The following ARRB2 variants were observed in gnomAD, a reference collection of about 807,000 sequenced individuals.
ARRB2 encodes the protein beta-arrestin-2.
In ARRB2, 21 loss-of-function variants were observed where a neutral mutation model predicts 53.4. That is an observed-to-expected ratio of 0.39 (90% CI 0.28 to 0.57). The LOEUF (loss-of-function observed/expected upper bound fraction) is 0.57. ARRB2 is among the 20% of genes least tolerant of loss of function. The pLI is 0.55. For synonymous variants in ARRB2, 180 were observed against 212.9 expected (o/e 0.85, Z 1.34); for missense variants, 369 against 527.5 (o/e 0.70, Z 2.94).
At position 4,719,367 on chromosome 17, in the gene ARRB2, C is replaced by T. The variant is rs34750256; in HGVS notation, c.864C>T (p.Leu288=). The change falls in exon 11 of 15, where the codon CTC becomes CTT. Residue 288 remains leucine, a synonymous_variant. Transcript: ENST00000269260. ...GCGACAACCGGGAGAAGCGGGGTCT[C>T]GCCCTGGATGGGAAACTCAAGCACG... is the stretch of plus-strand genomic sequence containing the variant. ...LLSDNREKRG[L]ALDGKLKHED... is the part of the protein sequence containing the mutation. 7.7e-4 allele frequency: 1,245 copies of T among 1,614,188 alleles called. 5 individuals carry two copies. In the African/African-American group the frequency reaches 0.01, roughly 14 times the overall value.
rs747472910 is a variant in ARRB2 at position 4,720,487 on chromosome 17, C to G, written c.1081+15C>G. ...ACCCCAGTCAGGTGAGCACACTACC[C>G]ACCCCAAGCCCTCAGAGGGAGGGCC... On this transcript the variant is annotated intron_variant, in intron 13 of 14. Coordinates refer to ENST00000269260, the MANE Select transcript of ARRB2 (RefSeq NM_004313.4). The G allele has an allele frequency of 3.7e-6, 6 of 1,605,532 alleles. No homozygotes were observed. The South Asian group carries it at 5.5e-5, about 15-fold the overall frequency.
intron 11 of ARRB2, 102 bp downstream of exon 11, chr17:4,719,522 C>A: frequency 6.7e-7 from 1 of 1,482,112 alleles, no homozygotes; most frequent in South Asian, 1.3e-5. Context: ...ACAGAAGAGA[C>A]AAAAAGAACT....
intron 2 of ARRB2, 134 bp downstream of exon 2, chr17:4,715,177 G>A (rs16954146): frequency 0.036 from 37,403 of 1,050,348 alleles, 2,861 homozygotes; most frequent in African/African-American, 0.25. Context: ...ACAGCTAAGC[G>A]CCGACTTCCT....
intron 2 of ARRB2, chr17:4,715,726 A>AAACACAC: frequency 4.0e-6 from 1 of 251,838 alleles, no homozygotes; most frequent in Non-Finnish European, 7.4e-6. Flanking sequence ...CACACACACA[A>AAACACAC]ACACACACAC....
intron 14 of ARRB2, 93 bp downstream of exon 14, chr17:4,720,733 G>T: frequency 4.1e-6 from 5 of 1,231,622 alleles, no homozygotes; most frequent in Non-Finnish European, 5.6e-6. Context: ...CTTTTGGTGG[G>T]GAGAAGCGGA....
At chr17:4,719,137 C>A in intron 10 of ARRB2, 146 bp from the exon 11 acceptor site, 1 of 904,008 alleles carries the variant, frequency 1.1e-6, no homozygotes, top group Non-Finnish European at 1.6e-6. Flanking sequence ...TTTTCTTGAG[C>A]ACGTTGAGCC....
chr17:4,711,405 C>G (rs890383033), intron 1 of ARRB2, among the ~76,000 whole-genome samples: 1 of 152,138 alleles, frequency 6.6e-6, no homozygotes, highest in African/African-American at 2.4e-5. Context: ...TCCACTGATA[C>G]CCCGAGTTCT....
Position 4,721,032 on chromosome 17 carries a change from T to C in ARRB2, c.1223T>C (p.Leu408Pro). The change falls in exon 15 of 15, where the codon CTC becomes CCC. Residue 408 changes from leucine to proline, a missense_variant. Coordinates refer to ENST00000269260, the MANE Select transcript of ARRB2 (RefSeq NM_004313.4). The surrounding 1 kb of genome is among the most constrained non-coding windows in gnomAD (Gnocchi z 4.2). Reference protein sequence around the residue: ...GMKDDDYDDQLC With the variant: ...GMKDDDYDDQPC ...AAGGATGACGACTATGATGATCAACTCTGCTAGGAAGCGGGGTGGGAAGAA... is the reference window on the plus strand; with the variant it reads ...AAGGATGACGACTATGATGATCAACCCTGCTAGGAAGCGGGGTGGGAAGAA... 2 of 1,612,442 alleles carry C rather than the reference T, an allele frequency of 1.2e-6. No homozygotes were observed. The highest frequency in any genetic ancestry group is 1.7e-6 in the Non-Finnish European group (2 of 1,178,642).
At position 4,716,616 on chromosome 17, in the gene ARRB2, T is replaced by A; in HGVS notation, c.357+8T>A. 1 of 1,554,986 alleles carries A rather than the reference T, an allele frequency of 6.4e-7. No individual in the cohort carries two copies. The highest frequency in any genetic ancestry group is 1.9e-5 in the Admixed American group (1 of 51,618). The stretch of plus-strand genomic sequence containing the variant: ...CACCCCTTCTTCTTCACCGTGAGGA[T>A]GCCCCTGCCCTCTGAGGGCCAGGGG... On this transcript the variant is annotated splice_region_variant and intron_variant, in intron 5 of 14. Transcript: ENST00000269260.
chr17:4,721,011 A>C lies in ARRB2; in HGVS notation c.1202A>C (p.Asp401Ala). 6.2e-7 allele frequency: 1 copy of C among 1,613,866 alleles called. No individual in the cohort carries two copies. The highest frequency in any genetic ancestry group is 8.5e-7 in the Non-Finnish European group (1 of 1,179,914). The change falls in exon 15 of 15, where the codon GAT becomes GCT. Residue 401 changes from aspartate to alanine, a missense_variant. By Grantham distance (126) the Asp-to-Ala change is moderately radical. Transcript: ENST00000269260. The surrounding 1 kb of genome is among the most constrained non-coding windows in gnomAD (Gnocchi z 4.2). ...CGGCTTCGGCTGAAGGGGATGAAGG[A>C]TGACGACTATGATGATCAACTCTGC... ...FARLRLKGMK[D>A]DDYDDQLC is the part of the protein sequence containing the mutation.
intron 11 of ARRB2, 66 bp downstream of exon 11, chr17:4,719,486 C>T: frequency 8.2e-6 from 13 of 1,577,002 alleles, no homozygotes; most frequent in Non-Finnish European, 1.0e-5. Context: ...GTGCTCTATC[C>T]TAGTGTGCCA....
intron 2 of ARRB2, chr17:4,715,246 G>A (rs1222637503): frequency 1.6e-6 from 1 of 635,522 alleles, no homozygotes; most frequent in Non-Finnish European, 2.6e-6. Context: ...ACAGGGCTGG[G>A]TGGGGCAGGC....
intron 11 of ARRB2, 43 bp downstream of exon 11, chr17:4,719,463 A>T (rs1015354046): frequency 2.5e-6 from 4 of 1,605,314 alleles, no homozygotes; most frequent in Non-Finnish European, 2.6e-6. Flanking sequence ...GCCAGGGGCC[A>T]GACGTCGGTT....
chr17:4,711,466 A>G (rs1914400373), intron 1 of ARRB2, among the ~76,000 whole-genome samples: 1 of 152,068 alleles, frequency 6.6e-6, no homozygotes, highest in African/African-American at 2.4e-5. Context: ...CAACACCCCC[A>G]AGGGGCAAGG....
intron 9 of ARRB2, 31 bp downstream of exon 9, chr17:4,718,376 G>T: frequency 6.3e-7 from 1 of 1,587,898 alleles, no homozygotes; most frequent in Non-Finnish European, 8.6e-7. Context: ...GGGGGTCTTC[G>T]GGGAGGGCGT....
intron 5 of ARRB2, 66 bp downstream of exon 5, chr17:4,716,674 A>C: frequency 6.5e-7 from 1 of 1,529,250 alleles, no homozygotes; most frequent in Non-Finnish European, 8.8e-7. Context: ...GGGTGGGGGT[A>C]AGGCACTGCT....
rs780961076 is a variant in ARRB2 at position 4,718,300 on chromosome 17, G to A, written c.661G>A (p.Val221Ile). The A allele has an allele frequency of 8.1e-6, 13 of 1,612,292 alleles. No individual in the cohort carries two copies. Among genetic ancestry groups the A allele is most frequent in the East Asian group, 2.2e-5 (1 of 44,874 alleles). The change falls in exon 9 of 15, where the codon GTC becomes ATC. Residue 221 changes from valine (V) to isoleucine (I), a missense_variant. Physicochemically the swap from Val to Ile is conservative, Grantham distance 29. Transcript: ENST00000269260. The part of the protein sequence containing the change: ...HGEPLNVNVH[V>I]TNNSTKTVKK... ...GGAGCCCCTCAATGTAAATGTCCAC[G>A]TCACCAACAACTCCACCAAGACCGT...
At position 4,720,927 on chromosome 17, in the gene ARRB2, C is replaced by G; in HGVS notation, c.1137-19C>G. 1 of 1,612,940 alleles carries G rather than the reference C, an allele frequency of 6.2e-7. No individual in the cohort carries two copies. Among genetic ancestry groups the G allele is most frequent in the Non-Finnish European group, 8.5e-7 (1 of 1,179,064 alleles). ...GAGTCAGAAGCCCTCACCTCACAACCCTCTTTCCCACCACCAAGCTATGCC... is the reference window on the plus strand; with the variant it reads ...GAGTCAGAAGCCCTCACCTCACAACGCTCTTTCCCACCACCAAGCTATGCC... On this transcript the variant is annotated intron_variant, in intron 14 of 14. Transcript: ENST00000269260.
Position 4,715,853 on chromosome 17 carries a change from G to A in ARRB2, c.55-120G>A. 1.3e-5 allele frequency: 15 copies of A among 1,176,248 alleles called. No individual in the cohort carries two copies. In the South Asian group the frequency reaches 1.7e-4, roughly 14 times the overall value. 72.9% of individuals were successfully genotyped at this position (1,176,248 alleles called of 1,614,324 possible). The stretch of plus-strand genomic sequence containing the variant: ...TCCAACACTATTGGGAGGAAACCTG[G>A]AACAACTCCTTCCTGATAGCCCAGC... On this transcript the variant is annotated intron_variant, in intron 2 of 14. Transcript: ENST00000269260.
Sources: allele counts gnomAD v4.1 joint callset (sites outside exome capture counted in the v4.1 genomes callset), GRCh38; gene constraint gnomAD v4.1.1; non-coding constraint Gnocchi (gnomAD v3.1); transcripts MANE v1.5; gene names NCBI Gene and HGNC (gene_info 2026-07-23, HGNC 2026-07-21).